The following FOXK2 variants were observed in gnomAD, a reference collection of about 807,000 sequenced individuals.
The protein encoded by FOXK2 is forkhead box protein K2.
Under a neutral mutation model 53.3 loss-of-function variants are expected in FOXK2, and 24 were observed. The observed-to-expected ratio is 0.45, with a 90% confidence interval of 0.33 to 0.63. The LOEUF (loss-of-function observed/expected upper bound fraction) is 0.63, where lower values mean the gene tolerates loss of function less well. Among genes scored for constraint, FOXK2 ranks in the 30% least tolerant of loss-of-function variants. FOXK2 has a pLI of 0.03. For missense variants in FOXK2, 952 were observed against 910.5 expected (o/e 1.05, Z -0.59); for synonymous variants, 505 against 407.1 (o/e 1.24, Z -2.89).
chr17:82,581,157 C>T (rs2045054511), intron 4 of FOXK2, among the ~76,000 whole-genome samples: 1 of 152,180 alleles, frequency 6.6e-6, no homozygotes. Context: ...GAGTGATCAC[C>T]ATTTTAACAC....
At chr17:82,569,403 C>A (rs1010443600) in intron 3 of FOXK2, among the ~76,000 whole-genome samples, 1 of 152,184 alleles carries the variant, frequency 6.6e-6, no homozygotes, top group African/African-American at 2.4e-5. Flanking sequence ...AGTGGTAAAA[C>A]GTAGTAAATC....
chr17:82,531,197 G>A (rs1298352554), intron 1 of FOXK2, among the ~76,000 whole-genome samples: 1 of 152,114 alleles, frequency 6.6e-6, no homozygotes, highest in Non-Finnish European at 1.5e-5. Context: ...TGACCCCTGG[G>A]TGACCTCCTC....
intron 1 of FOXK2, among the ~76,000 whole-genome samples, chr17:82,529,406 T>C (rs1014476560): frequency 1.2e-4 from 18 of 146,926 alleles, no homozygotes; most frequent in African/African-American, 3.5e-4. Flanking sequence ...TTTTTTTTTT[T>C]CAAGATGGAG....
chr17:82,529,375 A>C (rs1250851963), intron 1 of FOXK2, among the ~76,000 whole-genome samples: 1 of 144,960 alleles, frequency 6.9e-6, no homozygotes, highest in Non-Finnish European at 1.5e-5. Flanking sequence ...GGCACGTGCC[A>C]CCACGCCGGC....
intron 3 of FOXK2, among the ~76,000 whole-genome samples, chr17:82,569,582 A>G (rs1363325190): frequency 1.3e-5 from 2 of 152,246 alleles, no homozygotes; most frequent in South Asian, 2.1e-4. Flanking sequence ...TTCAGCTGAC[A>G]TAAATGTATC....
intron 2 of FOXK2, among the ~76,000 whole-genome samples, chr17:82,564,936 G>A (rs2044837930): frequency 6.6e-6 from 1 of 151,812 alleles, no homozygotes; most frequent in South Asian, 2.1e-4. Context: ...CTCCATGTTG[G>A]TCAGGGTGGT....
chr17:82,532,901 T>A (rs2044485895), intron 1 of FOXK2, among the ~76,000 whole-genome samples: 1 of 152,214 alleles, frequency 6.6e-6, no homozygotes, highest in Non-Finnish European at 1.5e-5. Flanking sequence ...TTTGATAAGC[T>A]TTTTTCTGTT....
At chr17:82,530,036 G>C (rs1354496849) in intron 1 of FOXK2, among the ~76,000 whole-genome samples, 3 of 152,180 alleles carry the variant, frequency 2.0e-5, no homozygotes, top group African/African-American at 7.2e-5. Flanking sequence ...TTGTGTTCCT[G>C]GTTCCACTGG....
Position 82,563,230 on chromosome 17 carries a change from A to G in FOXK2, c.420-124A>G. On this transcript the variant is annotated intron_variant, in intron 1 of 8. Transcript: ENST00000335255. Reference sequence around the variant, plus strand: ...TTTGGCGACTTATAATAACACGGTGAGCTGAGCTTGGAAGTGTTGCATCCA... The same window carrying G: ...TTTGGCGACTTATAATAACACGGTGGGCTGAGCTTGGAAGTGTTGCATCCA... 1.6e-5 allele frequency: 14 copies of G among 857,084 alleles called. No individual in the cohort carries two copies. In the South Asian group the frequency reaches 2.7e-4, roughly 17 times the overall value. The allele number at this position is 857,084 out of a possible 1,614,324, so 53.1% of individuals were successfully genotyped here.
At chr17:82,527,816 T>C (rs549563372) in intron 1 of FOXK2, among the ~76,000 whole-genome samples, 1 of 152,258 alleles carries the variant, frequency 6.6e-6, no homozygotes, top group East Asian at 1.9e-4. Flanking sequence ...CCTTTTATTT[T>C]ATTATTTAGA....
At chr17:82,572,196 G>A in intron 4 of FOXK2, 1 of 212,978 alleles carries the variant, frequency 4.7e-6, no homozygotes, top group Middle Eastern at 1.6e-3. Flanking sequence ...TATTTGAAAT[G>A]TAGGAGAAAT....
intron 8 of FOXK2, chr17:82,599,063 G>A (rs1366460214): frequency 2.0e-5 from 3 of 150,886 alleles, no homozygotes; most frequent in Non-Finnish European, 4.4e-5. Context: ...TTCCTGCTTT[G>A]TGGCAGCCGT....
At chr17:82,584,524 T>C (rs2143105342) in intron 6 of FOXK2, among the ~76,000 whole-genome samples, 1 of 121,982 alleles carries the variant, frequency 8.2e-6, no homozygotes, top group African/African-American at 3.2e-5. Flanking sequence ...GTAGACAAAC[T>C]AGACACTGGA....
At chr17:82,580,256 A>G (rs1348567988) in intron 4 of FOXK2, among the ~76,000 whole-genome samples, 1 of 136,990 alleles carries the variant, frequency 7.3e-6, no homozygotes, top group East Asian at 2.2e-4. Context: ...GCTCCCATCC[A>G]CAGGGCCCAG....
At chr17:82,552,291 T>C (rs148405602) in intron 1 of FOXK2, among the ~76,000 whole-genome samples, 13 of 152,330 alleles carry the variant, frequency 8.5e-5, no homozygotes, top group African/African-American at 3.1e-4. Flanking sequence ...CGTTAGTGTT[T>C]CACCAAACCC....
chr17:82,538,547 C>T (rs1012443669), intron 1 of FOXK2, among the ~76,000 whole-genome samples: 10 of 152,234 alleles, frequency 6.6e-5, no homozygotes, highest in Admixed American at 6.5e-4. Flanking sequence ...CATTTGCCTT[C>T]GTTGTTGCAG....
Position 82,603,080 on chromosome 17 carries a change from G to A in FOXK2, c.*1581G>A, listed in dbSNP as rs966446895. ...GAATTGTGTCGGCCCTCAGCATGGG[G>A]CTGGGGCAGCGTCACTGCGGTGACG... On this transcript the variant is annotated 3_prime_UTR_variant, in exon 9 of 9. Transcript: ENST00000335255. 3 of 152,596 alleles carry A rather than the reference G, an allele frequency of 2.0e-5. No individual in the cohort carries two copies. The highest frequency in any genetic ancestry group is 7.2e-5 in the African/African-American group (3 of 41,458). The allele number at this position is 152,596 out of a possible 1,614,324, so 9.5% of individuals were successfully genotyped here.
Position 82,582,839 on chromosome 17 carries a change from A to G in FOXK2, c.1008A>G (p.Pro336=), listed in dbSNP as rs1405302169. The G allele has an allele frequency of 2.5e-6, 4 of 1,613,626 alleles. No individual in the cohort carries two copies. The highest frequency in any genetic ancestry group is 3.3e-5 in the Admixed American group (2 of 59,938). ...AAGGCTCGTTCTGGAGGATAGACCC[A>G]GCCTCTGAAAGCAAATTAATAGAAC... is the stretch of plus-strand genomic sequence containing the variant. ...PGKGSFWRID[P]ASESKLIEQA... The change falls in exon 5 of 9, where the codon CCA becomes CCG. Residue 336 remains proline (P), a synonymous_variant. Transcript: ENST00000335255.
At chr17:82,522,532 C>A (rs1011989951) in intron 1 of FOXK2, among the ~76,000 whole-genome samples, 1 of 151,800 alleles carries the variant, frequency 6.6e-6, no homozygotes, top group South Asian at 2.1e-4. Context: ...CTACGCCCAG[C>A]TAATTTTTTT....
Sources: gnomAD v4.1 joint callset for allele counts (sites outside exome capture counted in the v4.1 genomes callset) on GRCh38, gnomAD v4.1.1 for gene constraint, MANE v1.5 for transcripts, NCBI Gene and HGNC (gene_info 2026-07-23, HGNC 2026-07-21) for gene names.